Variants in RC3H1 observed in about 807,000 individuals in gnomAD.
The protein encoded by RC3H1 is roquin-1.
In RC3H1, 50 loss-of-function variants were observed where a neutral mutation model predicts 138.2. The observed-to-expected ratio is 0.36, with a 90% confidence interval of 0.29 to 0.46. The LOEUF (loss-of-function observed/expected upper bound fraction) is 0.46. Among genes scored for constraint, RC3H1 ranks in the 20% least tolerant of loss-of-function variants. The pLI is 1.00. For synonymous variants in RC3H1, 462 were observed against 489.1 expected (o/e 0.94, Z 0.73); for missense variants, 1,031 against 1,388.1 (o/e 0.74, Z 4.09).
chr1:173,988,548 G>A (rs545536748), intron 2 of RC3H1, among the ~76,000 whole-genome samples: 8 of 152,200 alleles, frequency 5.3e-5, no homozygotes, highest in Non-Finnish European at 7.3e-5. Context: ...AAATAGTCAT[G>A]TGAGGGTTTC....
At chr1:174,017,783 C>CAAACAAAAAA (rs1553234069) in intron 1 of RC3H1, among the ~76,000 whole-genome samples, 3 of 72,038 alleles carry the variant, frequency 4.2e-5, no homozygotes, top group South Asian at 4.8e-4. Context: ...TTTTCTTGCT[C>CAAACAAAAAA]AAAAAAAAAA....
intron 1 of RC3H1, among the ~76,000 whole-genome samples, chr1:173,999,945 T>G (rs1421399888): frequency 6.6e-6 from 1 of 152,228 alleles, no homozygotes; most frequent in Non-Finnish European, 1.5e-5. Context: ...ACTCCCAGGC[T>G]GGTACTTTGA....
intron 18 of RC3H1, among the ~76,000 whole-genome samples, chr1:173,942,312 A>G (rs1177387705): frequency 6.6e-6 from 1 of 151,042 alleles, no homozygotes; most frequent in Non-Finnish European, 1.5e-5. Context: ...AGGCACCTGT[A>G]ATCCCAGCTA....
At chr1:173,947,022 T>C (rs927331660) in intron 15 of RC3H1, among the ~76,000 whole-genome samples, 186 bp from the exon 16 acceptor site, 1 of 152,218 alleles carries the variant, frequency 6.6e-6, no homozygotes, top group African/African-American at 2.4e-5. Flanking sequence ...TGGGTGCTGA[T>C]ATATGTTTGT....
At chr1:174,018,101 AAGGAGTTTG>A (rs1214772245) in intron 1 of RC3H1, among the ~76,000 whole-genome samples, 2 of 152,108 alleles carry the variant, frequency 1.3e-5, no homozygotes, top group Non-Finnish European at 2.9e-5. Context: ...CACTTAAACC[AAGGAGTTTG>A]AGGCTGAAGT....
At chr1:174,003,932 A>G (rs1288315289) in intron 1 of RC3H1, among the ~76,000 whole-genome samples, 2 of 151,704 alleles carry the variant, frequency 1.3e-5, no homozygotes, top group African/African-American at 4.8e-5. Flanking sequence ...AAGTGCTGAG[A>G]TTACAGGCAT....
At chr1:173,944,058 T>C (rs1279791403) in intron 17 of RC3H1, among the ~76,000 whole-genome samples, 1 of 151,280 alleles carries the variant, frequency 6.6e-6, no homozygotes, top group African/African-American at 2.4e-5. Flanking sequence ...CCCGTAGTCC[T>C]AGCTACTAGG....
intron 1 of RC3H1, among the ~76,000 whole-genome samples, chr1:173,993,976 C>T (rs766989720): frequency 1.3e-4 from 17 of 133,966 alleles, no homozygotes; most frequent in Non-Finnish European, 2.3e-4. Flanking sequence ...GCCAAGATCG[C>T]GCCATTGCAC....
chr1:173,976,402 G>A lies in RC3H1; in HGVS notation c.1102+2086C>T, dbSNP rs866361053. Among the ~76,000 whole-genome samples, 46 of 151,672 alleles carry A rather than the reference G, an allele frequency of 3.0e-4. No homozygotes were observed. In the Middle Eastern group the frequency reaches 0.01, roughly 34 times the overall value. On this transcript the variant is annotated intron_variant, in intron 7 of 19. Coordinates refer to ENST00000367696, the MANE Select transcript of RC3H1 (RefSeq NM_172071.4). ...AACCAGGCAGAGGTTGCAGTGAACCGAGATCTTGCCATTGCCTCCAGCCTG... is the reference window on the plus strand; with the variant it reads ...AACCAGGCAGAGGTTGCAGTGAACCAAGATCTTGCCATTGCCTCCAGCCTG...
intron 1 of RC3H1, among the ~76,000 whole-genome samples, chr1:174,006,953 C>T (rs1028348146): frequency 6.6e-6 from 1 of 152,092 alleles, no homozygotes; most frequent in African/African-American, 2.4e-5. Context: ...AGTGAGCATA[C>T]CTGCATACTT....
chr1:173,951,331 C>CA lies in RC3H1; in HGVS notation c.2523+654dup, dbSNP rs1385352703. ...CAAGAGTGAAACTCCATCCCCCCCC[C>CA]AAAAAAAGAGATAAGATTTTGATAA... On this transcript the variant is annotated intron_variant, in intron 14 of 19. Transcript: ENST00000367696. Among the ~76,000 whole-genome samples, 94 of 149,234 alleles carry CA rather than the reference C, an allele frequency of 6.3e-4. 1 individual carries two copies. Among genetic ancestry groups the CA allele is most frequent in the African/African-American group, 2.1e-3 (84 of 39,394 alleles).
At chr1:173,989,973 G>A (rs1245451999) in intron 2 of RC3H1, among the ~76,000 whole-genome samples, 3 of 150,994 alleles carry the variant, frequency 2.0e-5, no homozygotes, top group South Asian at 2.1e-4. Flanking sequence ...TGATCCACCC[G>A]CCTCGGCCTC....
At chr1:173,981,047 A>C in intron 5 of RC3H1, 38 bp from the exon 6 acceptor site, 1 of 1,563,220 alleles carries the variant, frequency 6.4e-7, no homozygotes, top group Non-Finnish European at 8.8e-7. Context: ...GAAGTCAAAA[A>C]AATGAGTTTA....
chr1:174,017,782 T>TAA (rs1557954899), intron 1 of RC3H1, among the ~76,000 whole-genome samples: 1 of 42,584 alleles, frequency 2.3e-5, no homozygotes, highest in African/African-American at 2.8e-4. Flanking sequence ...CTTTTCTTGC[T>TAA]CAAAAAAAAA....
At chr1:173,964,218 A>C (rs1437620239) in intron 10 of RC3H1, 31 bp from the exon 11 acceptor site, 6 of 1,513,416 alleles carry the variant, frequency 4.0e-6, no homozygotes, top group Non-Finnish European at 5.5e-6. Context: ...AAGTTGTTTA[A>C]AAAATACTTC....
intron 13 of RC3H1, among the ~76,000 whole-genome samples, chr1:173,955,609 G>A (rs191580858): frequency 1.3e-4 from 19 of 151,538 alleles, no homozygotes; most frequent in Middle Eastern, 3.4e-3. Context: ...GTGAGCCACC[G>A]CGCCCGGCCA....
At chr1:173,994,154 G>C (rs1557949168) in intron 1 of RC3H1, among the ~76,000 whole-genome samples, 1 of 151,894 alleles carries the variant, frequency 6.6e-6, no homozygotes, top group Admixed American at 6.6e-5. Context: ...CGCTTTGGGA[G>C]GCTGAGGCGG....
chr1:173,973,949 C>G (rs535833145), intron 7 of RC3H1, among the ~76,000 whole-genome samples: 43 of 152,102 alleles, frequency 2.8e-4, no homozygotes, highest in African/African-American at 1.0e-3. Context: ...AGATAATAAC[C>G]AAGACAAATA....
intron 1 of RC3H1, among the ~76,000 whole-genome samples, chr1:174,003,818 C>T (rs536676123): frequency 6.6e-6 from 1 of 151,896 alleles, no homozygotes; most frequent in South Asian, 2.1e-4. Flanking sequence ...CCCGCCACCA[C>T]GCCCTACTAA....
Sources: gnomAD v4.1 joint callset for allele counts (sites outside exome capture counted in the v4.1 genomes callset) on GRCh38, gnomAD v4.1.1 for gene constraint, MANE v1.5 for transcripts, NCBI Gene and HGNC (gene_info 2026-07-23, HGNC 2026-07-21) for gene names.